Variants in ARPC4 observed in about 807,000 individuals in gnomAD.
The protein encoded by ARPC4 is actin related protein 2/3 complex subunit 4.
ARPC4 carries 3 observed loss-of-function variants against 22.8 expected under a neutral mutation model. The observed-to-expected ratio is 0.13, with a 90% CI of 0.06 to 0.34. The LOEUF (loss-of-function observed/expected upper bound fraction) is 0.34, where lower values mean the gene tolerates loss of function less well. Ranked by LOEUF, ARPC4 falls within the 10% of genes least tolerant of loss-of-function variation. ARPC4 has a pLI of 1.00. For missense variants in ARPC4, 98 were observed against 211.0 expected, an observed-to-expected ratio of 0.46 and a Z score of 3.32; for synonymous variants, 80 against 72.5, an observed-to-expected ratio of 1.10 and a Z score of -0.52.
chr3:9,801,086 C>T (rs1381135977), intron 3 of ARPC4, among the ~76,000 whole-genome samples: 1 of 151,848 alleles, frequency 6.6e-6, no homozygotes, highest in African/African-American at 2.4e-5. Context: ...TGGCACGCGC[C>T]TGTAATCCCA....
intron 2 of ARPC4, chr3:9,799,824 C>G: frequency 2.2e-6 from 1 of 465,026 alleles, no homozygotes; most frequent in South Asian, 1.6e-5. Context: ...TTGTAAAGCT[C>G]CTACTATGTG....
rs1357939162 is a variant in ARPC4 at position 9,803,837 on chromosome 3, C to G, written c.331-6C>G. ...TCTTCCCCCTCCCTACTGTCTTCTT[C>G]CCTAGGGGTATGATATCAGCTTTCT... On this transcript the variant is annotated splice_polypyrimidine_tract_variant and splice_region_variant and intron_variant, in intron 4 of 5. Coordinates refer to ENST00000397261, the MANE Select transcript of ARPC4 (RefSeq NM_005718.5). 6.2e-7 allele frequency: 1 copy of G among 1,613,258 alleles called. No homozygotes were observed. The highest frequency in any genetic ancestry group is 8.5e-7 in the Non-Finnish European group (1 of 1,179,418).
intron 2 of ARPC4, chr3:9,798,101 A>T (rs2078933267): frequency 1.1e-5 from 2 of 186,232 alleles, no homozygotes; most frequent in Admixed American, 6.1e-5. Flanking sequence ...GTTATCTGAG[A>T]TTCCATCTCC....
intron 5 of ARPC4, chr3:9,804,295 A>C: frequency 3.1e-6 from 1 of 322,020 alleles, no homozygotes; most frequent in Non-Finnish European, 5.8e-6. Context: ...GATGTTCACA[A>C]AGTCCTTGCC....
At chr3:9,798,000 A>G (rs994766226) in intron 2 of ARPC4, 9 of 534,602 alleles carry the variant, frequency 1.7e-5, no homozygotes, top group African/African-American at 1.3e-4. Context: ...TGGTTAACAC[A>G]AGGTATGACT....
At chr3:9,804,208 G>C in intron 5 of ARPC4, 195 bp downstream of exon 5, 1 of 539,774 alleles carries the variant, frequency 1.9e-6, no homozygotes, top group South Asian at 3.2e-5. Context: ...AGAGCTACAA[G>C]GCATTTTCTA....
chr3:9,793,915 C>A (rs1405561146), intron 1 of ARPC4, among the ~76,000 whole-genome samples: 3 of 152,178 alleles, frequency 2.0e-5, no homozygotes, highest in African/African-American at 7.2e-5. Context: ...CTTCTCAGCT[C>A]TCTTTCAAGG....
At chr3:9,804,873 T>C (rs2079077488) in intron 5 of ARPC4, among the ~76,000 whole-genome samples, 1 of 152,230 alleles carries the variant, frequency 6.6e-6, no homozygotes, top group African/African-American at 2.4e-5. Context: ...CTCACTCGGC[T>C]ATGGAGGCAA....
chr3:9,802,516 C>T (rs2079032188), intron 4 of ARPC4, among the ~76,000 whole-genome samples: 4 of 149,622 alleles, frequency 2.7e-5, no homozygotes, highest in African/African-American at 7.4e-5. Context: ...GCTGGGACTA[C>T]AGGCGCCCAC....
chr3:9,795,922 C>G (rs1575320870), intron 1 of ARPC4, among the ~76,000 whole-genome samples: 1 of 151,302 alleles, frequency 6.6e-6, no homozygotes, highest in Non-Finnish European at 1.5e-5. Context: ...ATGGCGAAAC[C>G]CCATCTCTAC....
At chr3:9,798,878 TAAAATA>T (rs2078951582) in intron 2 of ARPC4, among the ~76,000 whole-genome samples, 2 of 4,372 alleles carry the variant, frequency 4.6e-4, no homozygotes, top group Non-Finnish European at 2.4e-3. Flanking sequence ...GTCTCAAAAA[TAAAATA>T]AAATAAAATA....
chr3:9,806,030 C>G (rs1165474312), intron 5 of ARPC4, among the ~76,000 whole-genome samples, 180 bp from the exon 6 acceptor site: 1 of 152,334 alleles, frequency 6.6e-6, no homozygotes, highest in Non-Finnish European at 1.5e-5. Flanking sequence ...GGCCGGTGCC[C>G]ATAGGTCACT....
At chr3:9,792,690 G>T, upstream of ARPC4, 1 of 1,233,508 alleles carries the variant, frequency 8.1e-7, no homozygotes, top group Non-Finnish European at 1.0e-6. Flanking sequence ...GCCCCGCCGA[G>T]CGCCAGGAGC....
chr3:9,806,907 C>A lies in ARPC4; in HGVS notation c.*692C>A, dbSNP rs1015082081. 3 of 152,598 alleles carry A rather than the reference C, an allele frequency of 2.0e-5. No homozygotes were observed. Among genetic ancestry groups the A allele is most frequent in the Non-Finnish European group, 4.4e-5 (3 of 68,302 alleles). The allele number at this position is 152,598 out of a possible 1,614,324, so 9.5% of individuals were successfully genotyped here. ...GGGTGCCCTCCCAGTTGAGAGGGGCCGCTGTTTCGCCTTGTCCGTCAGTGC... is the reference window on the plus strand; with the variant it reads ...GGGTGCCCTCCCAGTTGAGAGGGGCAGCTGTTTCGCCTTGTCCGTCAGTGC... On this transcript the variant is annotated 3_prime_UTR_variant, in exon 6 of 6. Coordinates refer to ENST00000397261, the MANE Select transcript of ARPC4 (RefSeq NM_005718.5).
upstream of ARPC4, chr3:9,792,985 C>T (rs570914136): frequency 2.1e-6 from 3 of 1,457,986 alleles, no homozygotes; most frequent in Admixed American, 5.2e-5. Flanking sequence ...CGTAAGGGCT[C>T]TCTACCCCGC....
chr3:9,798,099 A>T, intron 2 of ARPC4: 3 of 194,046 alleles, frequency 1.5e-5, no homozygotes, highest in Admixed American at 5.9e-5. Flanking sequence ...TTGTTATCTG[A>T]GATTCCATCT....
chr3:9,798,552 C>T (rs183694166), intron 2 of ARPC4, among the ~76,000 whole-genome samples: 55 of 152,244 alleles, frequency 3.6e-4, no homozygotes, highest in Middle Eastern at 3.4e-3. Flanking sequence ...CGACAGTGCA[C>T]TCCAGCCTGG....
intron 4 of ARPC4, among the ~76,000 whole-genome samples, chr3:9,803,350 T>C (rs1487652707): frequency 6.6e-6 from 1 of 152,214 alleles, no homozygotes; most frequent in Non-Finnish European, 1.5e-5. Flanking sequence ...TCAGGCGTGT[T>C]AGCCAAGTTC....
In ARPC4 at chr3:9,806,223, G is replaced by A. The variant is rs537221181; in HGVS notation, c.*8G>A. ...TTCTCTTGACAGTTTTAAACCATCT[G>A]GCTGGATCTCGTGGCCTTCCCCCTC... On this transcript the variant is annotated 3_prime_UTR_variant, in exon 6 of 6. Transcript: ENST00000397261. 9.3e-6 allele frequency: 15 copies of A among 1,613,880 alleles called. No individual in the cohort carries two copies. The Admixed American group carries it at 2.3e-4, about 25-fold the overall frequency.
Sources: allele counts gnomAD v4.1 joint callset (sites outside exome capture counted in the v4.1 genomes callset), GRCh38; gene constraint gnomAD v4.1.1; transcripts MANE v1.5; gene names NCBI Gene and HGNC (gene_info 2026-07-23, HGNC 2026-07-21).